The following TBC1D19 variants were observed in gnomAD, a reference collection of about 807,000 sequenced individuals.
The protein encoded by TBC1D19 is TBC1 domain family, member 19.
A neutral mutation model predicts 89.0 loss-of-function variants in TBC1D19; 60 were observed. The ratio of observed to expected loss-of-function variants is 0.67; its 90% confidence interval spans 0.55 to 0.84. The LOEUF is 0.84. TBC1D19 is among the 40% of genes least tolerant of loss of function. TBC1D19 has a pLI of 0.00. For synonymous variants in TBC1D19, 189 were observed against 199.7 expected (o/e 0.95, Z 0.45); for missense variants, 500 against 610.8 (o/e 0.82, Z 1.91).
chr4:26,616,916 T>C (rs1741734011), intron 3 of TBC1D19, among the ~76,000 whole-genome samples: 1 of 152,250 alleles, frequency 6.6e-6, no homozygotes, highest in Non-Finnish European at 1.5e-5. Context: ...GCTTATTTTA[T>C]GCCAACACTT....
intron 5 of TBC1D19, among the ~76,000 whole-genome samples, chr4:26,638,013 C>T (rs548910569): frequency 1.3e-5 from 2 of 152,088 alleles, no homozygotes; most frequent in Admixed American, 6.5e-5. Flanking sequence ...TCGGTATTAA[C>T]GTAGGAAACG....
chr4:26,658,212 A>G lies in TBC1D19; in HGVS notation c.481-1385A>G, dbSNP rs1744990650. Among the ~76,000 whole-genome samples, 3 of 152,210 alleles carry G rather than the reference A, an allele frequency of 2.0e-5. No homozygotes were observed. The South Asian group carries it at 6.2e-4, about 32-fold the overall frequency. Reference sequence around the variant, plus strand: ...TTAGATTTTCTTCTAGGATTCCTATAGTTTTAGGTCTTATGTTTAAGTCTT... The same window carrying G: ...TTAGATTTTCTTCTAGGATTCCTATGGTTTTAGGTCTTATGTTTAAGTCTT... On this transcript the variant is annotated intron_variant, in intron 7 of 20. Coordinates refer to ENST00000264866, the MANE Select transcript of TBC1D19 (RefSeq NM_018317.4).
the TBC1D19 span, among the ~76,000 whole-genome samples, chr4:26,778,552 C>A: frequency 2.7e-4 from 41 of 152,228 alleles, no homozygotes; most frequent in Non-Finnish European, 5.3e-4. Context: ...GAACCAGAAC[C>A]GAGGTCTGCT....
At chr4:26,672,480 T>A (rs929637907) in intron 10 of TBC1D19, among the ~76,000 whole-genome samples, 3 of 151,932 alleles carry the variant, frequency 2.0e-5, no homozygotes, top group Non-Finnish European at 4.4e-5. Flanking sequence ...GGCAGTAGAA[T>A]TTCATTTTAA....
intron 1 of TBC1D19, among the ~76,000 whole-genome samples, chr4:26,612,633 G>C (rs1741452091): frequency 6.6e-6 from 1 of 152,020 alleles, no homozygotes; most frequent in South Asian, 2.1e-4. Context: ...AAAACCAGTA[G>C]AATAGGAAAC....
the TBC1D19 span, among the ~76,000 whole-genome samples, chr4:26,817,981 A>AAATATATATATATAT: frequency 3.2e-5 from 4 of 126,080 alleles, no homozygotes; most frequent in African/African-American, 1.5e-4. Flanking sequence ...AAAAAAAAAA[A>AAATATATATATATAT]ATATATATAT....
At chr4:26,777,860 T>G in the TBC1D19 span, among the ~76,000 whole-genome samples, 1 of 150,860 alleles carries the variant, frequency 6.6e-6, no homozygotes, top group Non-Finnish European at 1.5e-5. Context: ...GTGTGAGGAT[T>G]GTTGGAGCCC....
intron 4 of TBC1D19, among the ~76,000 whole-genome samples, chr4:26,629,282 A>G (rs2110056315): frequency 6.6e-6 from 1 of 152,084 alleles, no homozygotes; most frequent in Non-Finnish European, 1.5e-5. Context: ...ATTGTTTAGG[A>G]TGGCTCTCTG....
the TBC1D19 span, among the ~76,000 whole-genome samples, chr4:26,815,104 C>T: frequency 6.6e-6 from 1 of 152,172 alleles, no homozygotes; most frequent in Admixed American, 6.5e-5. Flanking sequence ...CTATATCACT[C>T]ATTAAAATTA....
At chr4:26,650,787 C>T (rs1274027180) in intron 7 of TBC1D19, among the ~76,000 whole-genome samples, 1 of 152,086 alleles carries the variant, frequency 6.6e-6, no homozygotes, top group Admixed American at 6.6e-5. Flanking sequence ...AAGTCCTTGC[C>T]CATGCCTATG....
At chr4:26,742,447 G>T in intron 17 of TBC1D19, 61 bp from the exon 18 acceptor site, 1 of 1,331,470 alleles carries the variant, frequency 7.5e-7, no homozygotes, top group Non-Finnish European at 1.0e-6. Flanking sequence ...TAATTTGTTG[G>T]CATAGTTAAT....
At chr4:26,588,371 TATCA>T (rs530113908) in intron 1 of TBC1D19, among the ~76,000 whole-genome samples, 257 of 152,314 alleles carry the variant, frequency 1.7e-3, no homozygotes, top group African/African-American at 6.0e-3. Context: ...TTATCAATTA[TATCA>T]ATACTTTCAA....
intron 13 of TBC1D19, among the ~76,000 whole-genome samples, chr4:26,708,074 G>GT (rs918026898): frequency 3.9e-5 from 6 of 152,028 alleles, no homozygotes; most frequent in African/African-American, 1.4e-4. Flanking sequence ...GCCCATGTGT[G>GT]TTTTTTAAAG....
intron 18 of TBC1D19, among the ~76,000 whole-genome samples, chr4:26,746,288 T>C (rs1455658664): frequency 6.6e-6 from 1 of 151,136 alleles, no homozygotes; most frequent in Admixed American, 6.6e-5. Context: ...CTCAGGCTGG[T>C]CTCAAACTCC....
the TBC1D19 span, among the ~76,000 whole-genome samples, chr4:26,805,583 C>A: frequency 6.6e-6 from 1 of 152,146 alleles, no homozygotes; most frequent in Non-Finnish European, 1.5e-5. Context: ...CGTTCCCTTT[C>A]ACCCTTCACA....
intron 15 of TBC1D19, among the ~76,000 whole-genome samples, chr4:26,735,147 T>C (rs1168283823): frequency 6.6e-6 from 1 of 151,694 alleles, no homozygotes; most frequent in Non-Finnish European, 1.5e-5. Flanking sequence ...TATACACATA[T>C]GTGTGTATGT....
the TBC1D19 span, among the ~76,000 whole-genome samples, chr4:26,831,654 C>T: frequency 6.9e-6 from 1 of 144,756 alleles, no homozygotes; most frequent in African/African-American, 2.6e-5. Flanking sequence ...GTGATTTTGG[C>T]TTACTGCAAG....
intron 15 of TBC1D19, among the ~76,000 whole-genome samples, chr4:26,727,768 CTTA>C (rs1577991225): frequency 6.6e-6 from 1 of 152,126 alleles, no homozygotes; most frequent in East Asian, 1.9e-4. Flanking sequence ...CTATATCTTA[CTTA>C]TTTATAAATG....
At chr4:26,778,553 G>A in the TBC1D19 span, among the ~76,000 whole-genome samples, 7 of 152,114 alleles carry the variant, frequency 4.6e-5, no homozygotes, top group Non-Finnish European at 7.4e-5. Flanking sequence ...AACCAGAACC[G>A]AGGTCTGCTC....
Sources: gnomAD v4.1 joint callset for allele counts (sites outside exome capture counted in the v4.1 genomes callset) on GRCh38, gnomAD v4.1.1 for gene constraint, MANE v1.5 for transcripts, NCBI Gene and HGNC (gene_info 2026-07-23, HGNC 2026-07-21) for gene names.